Variants in PPARGC1A observed in about 807,000 individuals in gnomAD.
The protein encoded by PPARGC1A is peroxisome proliferator-activated receptor gamma coactivator 1-alpha.
PPARGC1A carries 25 observed loss-of-function variants against 88.7 expected under a neutral mutation model. The ratio of observed to expected loss-of-function variants is 0.28; its 90% CI spans 0.21 to 0.39. The LOEUF (loss-of-function observed/expected upper bound fraction) is 0.39. Ranked by LOEUF, PPARGC1A falls within the 10% of genes least tolerant of loss-of-function variation. PPARGC1A has a pLI of 1.00. For missense variants in PPARGC1A, 880 were observed against 968.7 expected (o/e 0.91, Z 1.22); for synonymous variants, 363 against 355.6 (o/e 1.02, Z -0.24).
chr4:24,274,734 C>A, the PPARGC1A span, among the ~76,000 whole-genome samples: 1 of 152,140 alleles, frequency 6.6e-6, no homozygotes, highest in African/African-American at 2.4e-5. Flanking sequence ...AAAGAGACCA[C>A]CAAAAAGACA....
the PPARGC1A span, among the ~76,000 whole-genome samples, chr4:24,310,167 A>C: frequency 3.9e-5 from 6 of 152,172 alleles, no homozygotes; most frequent in Non-Finnish European, 5.9e-5. Context: ...ATACACGTGG[A>C]GCTCAAGAGA....
the PPARGC1A span, among the ~76,000 whole-genome samples, chr4:23,973,518 T>C: frequency 1.3e-5 from 2 of 152,244 alleles, no homozygotes; most frequent in Non-Finnish European, 2.9e-5. Context: ...TATGTTTCTA[T>C]GGTGTTTGAT....
Position 23,794,152 on chromosome 4 carries a change from A to G in PPARGC1A, c.*1670T>C, listed in dbSNP as rs1717109803. On this transcript the variant is annotated 3_prime_UTR_variant, in exon 13 of 13. Coordinates refer to ENST00000264867, the MANE Select transcript of PPARGC1A (RefSeq NM_013261.5). Reference sequence around the variant, plus strand: ...CCTCAGCATTTTGTATCAAATTAAAATCACAAAAATTAAAACAAAACAGCA... The same window carrying G: ...CCTCAGCATTTTGTATCAAATTAAAGTCACAAAAATTAAAACAAAACAGCA... 1 of 152,644 alleles carries G rather than the reference A, an allele frequency of 6.6e-6. No homozygotes were observed. The highest frequency in any genetic ancestry group is 1.5e-5 in the Non-Finnish European group (1 of 68,036). The allele number at this position is 152,644 out of a possible 1,614,324, so 9.5% of individuals were successfully genotyped here.
chr4:24,114,309 G>C, the PPARGC1A span, among the ~76,000 whole-genome samples: 1 of 152,110 alleles, frequency 6.6e-6, no homozygotes, highest in Non-Finnish European at 1.5e-5. Flanking sequence ...AACCGCTATG[G>C]TCTTTCACCC....
chr4:24,238,287 T>C, the PPARGC1A span, among the ~76,000 whole-genome samples: 1 of 152,202 alleles, frequency 6.6e-6, no homozygotes, highest in African/African-American at 2.4e-5. Flanking sequence ...GTAAATGCAT[T>C]GTTAGTGATG....
the PPARGC1A span, among the ~76,000 whole-genome samples, chr4:24,296,695 T>C: frequency 3.7e-4 from 57 of 152,318 alleles, no homozygotes; most frequent in African/African-American, 1.2e-3. Flanking sequence ...GAAAATGACA[T>C]TGTCATCAAG....
the PPARGC1A span, among the ~76,000 whole-genome samples, chr4:24,030,086 T>C: frequency 1.3e-5 from 2 of 152,174 alleles, no homozygotes; most frequent in South Asian, 4.1e-4. Context: ...TAATAACCTA[T>C]TGATGAGGAC....
At chr4:23,870,851 T>C (rs1296921612) in intron 2 of PPARGC1A, among the ~76,000 whole-genome samples, 1 of 151,734 alleles carries the variant, frequency 6.6e-6, no homozygotes, top group African/African-American at 2.4e-5. Flanking sequence ...GTACTATCTA[T>C]GGAACATACA....
At chr4:23,867,831 C>T (rs7677000) in intron 2 of PPARGC1A, among the ~76,000 whole-genome samples, 29,648 of 152,174 alleles carry the variant, frequency 0.19, 3,157 homozygotes, top group African/African-American at 0.27. Flanking sequence ...CAATCATGCA[C>T]ACTTTTCCAC....
chr4:24,355,299 A>C, the PPARGC1A span, among the ~76,000 whole-genome samples: 1 of 152,356 alleles, frequency 6.6e-6, no homozygotes, highest in African/African-American at 2.4e-5. Flanking sequence ...AACCGAGCTA[A>C]GCAGGCAGCA....
chr4:24,066,907 G>A, the PPARGC1A span, among the ~76,000 whole-genome samples: 1 of 111,966 alleles, frequency 8.9e-6, no homozygotes, highest in African/African-American at 3.6e-5. Context: ...CCTAGTTTAA[G>A]ACAAATGCCA....
the PPARGC1A span, among the ~76,000 whole-genome samples, chr4:24,355,769 C>T: frequency 4.6e-5 from 7 of 151,840 alleles, no homozygotes; most frequent in Non-Finnish European, 8.8e-5. Flanking sequence ...CGTGGAAGTG[C>T]GAGGGGGAGG....
chr4:24,297,118 C>G, the PPARGC1A span, among the ~76,000 whole-genome samples: 1 of 152,094 alleles, frequency 6.6e-6, no homozygotes, highest in Non-Finnish European at 1.5e-5. Flanking sequence ...ACACTCGAAG[C>G]TAGTGCATTA....
At chr4:23,941,407 G>C in the PPARGC1A span, among the ~76,000 whole-genome samples, 1 of 152,144 alleles carries the variant, frequency 6.6e-6, no homozygotes. Flanking sequence ...AAACTATTTT[G>C]TGGGAGGGAA....
At chr4:23,850,811 T>C (rs1729150295) in intron 2 of PPARGC1A, among the ~76,000 whole-genome samples, 1 of 152,172 alleles carries the variant, frequency 6.6e-6, no homozygotes, top group South Asian at 2.1e-4. Context: ...TCATTAAAGG[T>C]TACTTAAACA....
intron 1 of PPARGC1A, chr4:23,889,410 G>A (rs1053827155): frequency 2.7e-5 from 26 of 975,170 alleles, no homozygotes; most frequent in Non-Finnish European, 3.0e-5. Flanking sequence ...GATTATTTAG[G>A]ATTTTGTAAG....
the PPARGC1A span, among the ~76,000 whole-genome samples, chr4:24,210,837 G>A: frequency 6.6e-6 from 1 of 152,188 alleles, no homozygotes; most frequent in Non-Finnish European, 1.5e-5. Context: ...TCAACGGAGG[G>A]CACTGTACTC....
chr4:24,152,649 T>G, the PPARGC1A span, among the ~76,000 whole-genome samples: 7 of 152,222 alleles, frequency 4.6e-5, no homozygotes, highest in African/African-American at 1.2e-4. Flanking sequence ...TGAAGTAACT[T>G]CCAATCACTA....
At chr4:23,957,773 C>T in the PPARGC1A span, among the ~76,000 whole-genome samples, 152 of 152,144 alleles carry the variant, frequency 1.0e-3, 1 homozygote, top group Middle Eastern at 3.4e-3. Context: ...ATGTAGATAT[C>T]CACATACACA....
Sources: gnomAD v4.1 joint callset for allele counts (sites outside exome capture counted in the v4.1 genomes callset) on GRCh38, gnomAD v4.1.1 for gene constraint, MANE v1.5 for transcripts, NCBI Gene and HGNC (gene_info 2026-07-23, HGNC 2026-07-21) for gene names.